KALRN: variants seen among roughly 807,000 people sequenced by gnomAD.
KALRN encodes the protein kalirin.
A neutral mutation model predicts 353.7 loss-of-function variants in KALRN; 70 were observed. The ratio of observed to expected loss-of-function variants is 0.20; its 90% CI spans 0.16 to 0.24. The LOEUF is 0.24. KALRN is among the 10% of genes least tolerant of loss of function. KALRN has a pLI of 1.00. For synonymous variants in KALRN, 1,391 were observed against 1,434.8 expected (o/e 0.97, Z 0.69); for missense variants, 2,791 against 3,756.7 (o/e 0.74, Z 6.72).
At chr3:124,648,169 T>A (rs983544722) in intron 37 of KALRN, among the ~76,000 whole-genome samples, 29 of 152,318 alleles carry the variant, frequency 1.9e-4, no homozygotes, top group African/African-American at 7.0e-4. Flanking sequence ...GGTAGCTAGG[T>A]CTTCAGAGGC....
chr3:124,338,495 G>A (rs2081358858), intron 9 of KALRN, among the ~76,000 whole-genome samples: 1 of 152,216 alleles, frequency 6.6e-6, no homozygotes, highest in African/African-American at 2.4e-5. Flanking sequence ...ACTGTTGTCT[G>A]AGAGACTGCT....
chr3:124,144,659 T>A (rs949266177), intron 1 of KALRN, among the ~76,000 whole-genome samples: 1 of 108,140 alleles, frequency 9.2e-6, no homozygotes, highest in South Asian at 3.6e-4. Flanking sequence ...CCTCATCCTC[T>A]TCCTCTTCCT....
rs187916615 is a variant in KALRN at position 124,409,241 on chromosome 3, G to A, written c.2347-4229G>A. 3.9e-3 allele frequency among the ~76,000 whole-genome samples: 592 copies of A among 152,278 alleles called. 12 individuals carry two copies. Among genetic ancestry groups the A allele is most frequent in the Middle Eastern group, 3.4e-3 (1 of 294 alleles). On this transcript the variant is annotated intron_variant, in intron 13 of 59. Transcript: ENST00000682506. ...AAAGCAAAATAGGTTGACTGAAAGCGGAATGCCCTCTGGGAACCTTGTGTT... is the reference window on the plus strand; with the variant it reads ...AAAGCAAAATAGGTTGACTGAAAGCAGAATGCCCTCTGGGAACCTTGTGTT...
At chr3:124,212,731 T>A (rs2077004989) in intron 1 of KALRN, among the ~76,000 whole-genome samples, 1 of 152,120 alleles carries the variant, frequency 6.6e-6, no homozygotes, top group South Asian at 2.1e-4. Flanking sequence ...ACTAATGGGG[T>A]TATAGGCAGG....
intron 1 of KALRN, among the ~76,000 whole-genome samples, chr3:124,207,095 AG>A (rs900587432): frequency 6.6e-6 from 1 of 152,252 alleles, no homozygotes; most frequent in Admixed American, 6.5e-5. Context: ...CCCTCAGGTC[AG>A]CATCATCATC....
chr3:124,529,342 C>G (rs1004864842), intron 33 of KALRN, among the ~76,000 whole-genome samples: 1 of 152,110 alleles, frequency 6.6e-6, no homozygotes, highest in Admixed American at 6.5e-5. Flanking sequence ...TGTTGCAGTG[C>G]TGAAGAGTAG....
intron 1 of KALRN, among the ~76,000 whole-genome samples, chr3:124,116,761 A>C (rs2063498335): frequency 6.6e-6 from 1 of 152,242 alleles, no homozygotes; most frequent in Non-Finnish European, 1.5e-5. Flanking sequence ...AACTAATAAT[A>C]AATAGGACAA....
At chr3:124,338,514 T>C (rs2081359774) in intron 9 of KALRN, among the ~76,000 whole-genome samples, 1 of 152,220 alleles carries the variant, frequency 6.6e-6, no homozygotes, top group Admixed American at 6.5e-5. Flanking sequence ...CTTGTTATTA[T>C]TTCCGTTCTT....
chr3:124,552,042 A>G (rs1490414088), intron 33 of KALRN, among the ~76,000 whole-genome samples: 1 of 152,234 alleles, frequency 6.6e-6, no homozygotes, highest in African/African-American at 2.4e-5. Context: ...TATGAGATCT[A>G]TGAGGGTCAG....
chr3:124,533,855 A>G (rs1643232510), intron 33 of KALRN, among the ~76,000 whole-genome samples: 1 of 152,210 alleles, frequency 6.6e-6, no homozygotes, highest in Non-Finnish European at 1.5e-5. Flanking sequence ...CAAAGAGTAC[A>G]GTGTGAAAGG....
At chr3:124,245,581 C>G (rs1202749214) in intron 3 of KALRN, among the ~76,000 whole-genome samples, 1 of 151,832 alleles carries the variant, frequency 6.6e-6, no homozygotes, top group East Asian at 1.9e-4. Flanking sequence ...TCTGTAGTTG[C>G]TGTACTAACT....
intron 34 of KALRN, among the ~76,000 whole-genome samples, chr3:124,612,637 G>A (rs333323): frequency 0.54 from 82,723 of 152,100 alleles, 23,997 homozygotes; most frequent in East Asian, 0.73. Flanking sequence ...GAGCCCAGCC[G>A]TCAGTTTAAT....
At chr3:124,696,287 A>AAT (rs751932230) in intron 54 of KALRN, 32 bp downstream of exon 54, 28 of 1,603,340 alleles carry the variant, frequency 1.7e-5, no homozygotes, top group African/African-American at 2.7e-5. Context: ...AACCTTTTGA[A>AAT]ATATATATAT....
chr3:124,184,989 T>C (rs1229509835), intron 1 of KALRN, among the ~76,000 whole-genome samples: 3 of 152,144 alleles, frequency 2.0e-5, no homozygotes, highest in Non-Finnish European at 2.9e-5. Context: ...CCATCTTAAT[T>C]TCCCCATTTA....
intron 9 of KALRN, among the ~76,000 whole-genome samples, chr3:124,345,413 T>A (rs1320066347): frequency 1.3e-5 from 2 of 152,120 alleles, no homozygotes; most frequent in Non-Finnish European, 2.9e-5. Flanking sequence ...CTCTCCTGAT[T>A]TTTTTTGGTT....
intron 33 of KALRN, among the ~76,000 whole-genome samples, chr3:124,528,339 G>T (rs1031544705): frequency 2.0e-5 from 3 of 152,200 alleles, no homozygotes; most frequent in Non-Finnish European, 4.4e-5. Context: ...TATACCTATT[G>T]CTTGGTTCCC....
At chr3:124,275,916 G>A (rs912421785) in intron 5 of KALRN, among the ~76,000 whole-genome samples, 3 of 152,118 alleles carry the variant, frequency 2.0e-5, no homozygotes, top group East Asian at 3.9e-4. Flanking sequence ...GAGTCAGGGT[G>A]GGGACATCCT....
rs191222672 is a variant in KALRN at position 124,702,590 on chromosome 3, G to T, written c.8075+474G>T. On this transcript the variant is annotated intron_variant, in intron 57 of 59. Transcript: ENST00000682506. Reference sequence around the variant, plus strand: ...GTGGTCAGAAAATCTATATGGTACTGATTCCTTGGTTTTTGTTTGGACTTG... The same window carrying T: ...GTGGTCAGAAAATCTATATGGTACTTATTCCTTGGTTTTTGTTTGGACTTG... Among the ~76,000 whole-genome samples the T allele has an allele frequency of 3.5e-3, 535 of 152,200 alleles. 2 individuals carry two copies. The highest frequency in any genetic ancestry group is 0.014 in the Middle Eastern group (4 of 294).
intron 33 of KALRN, among the ~76,000 whole-genome samples, chr3:124,508,885 A>C (rs2065545176): frequency 6.6e-6 from 1 of 152,180 alleles, no homozygotes; most frequent in South Asian, 2.1e-4. Context: ...TATGGCTTTA[A>C]TTCGTGTTTC....
Sources: allele counts gnomAD v4.1 joint callset (sites outside exome capture counted in the v4.1 genomes callset), GRCh38; gene constraint gnomAD v4.1.1; transcripts MANE v1.5; gene names NCBI Gene and HGNC (gene_info 2026-07-23, HGNC 2026-07-21).